RAI1: variants seen among roughly 807,000 people sequenced by gnomAD.
RAI1 encodes retinoic acid-induced protein 1.
RAI1 carries 9 observed loss-of-function variants against 123.8 expected under a neutral mutation model. That is an observed-to-expected ratio of 0.07 (90% CI 0.04 to 0.13). RAI1 has a LOEUF of 0.13. Among genes scored for constraint, RAI1 ranks in the 10% least tolerant of loss-of-function variants. The pLI, the probability that RAI1 is intolerant of heterozygous loss-of-function variation, is 1.00. For missense variants in RAI1, 2,256 were observed against 2,545.8 expected (o/e 0.89, Z 2.45); for synonymous variants, 1,231 against 1,127.3 (o/e 1.09, Z -1.84).
In RAI1 at chr17:17,809,941, G is replaced by T. The variant is rs1364126032; in HGVS notation, c.5710-29G>T. The T allele has an allele frequency of 1.9e-6, 3 of 1,560,184 alleles. No homozygotes were observed. Among genetic ancestry groups the T allele is most frequent in the South Asian group, 1.2e-5 (1 of 84,852 alleles). On this transcript the variant is annotated intron_variant, in intron 5 of 5. Transcript: ENST00000353383. The surrounding 1 kb of genome is among the most constrained non-coding windows in gnomAD (Gnocchi z 4.9). The stretch of plus-strand genomic sequence containing the variant: ...ATGGACTGTGAAGTCCGAGGTCGTC[G>T]GTAACTGGCGGGCGGGCGTCTTTTG...
chr17:17,786,604 G>T (rs2031836142), intron 2 of RAI1, among the ~76,000 whole-genome samples: 1 of 152,234 alleles, frequency 6.6e-6, no homozygotes. Context: ...TTATCTGGGA[G>T]TGGTATTTCC....
intron 1 of RAI1, among the ~76,000 whole-genome samples, chr17:17,697,541 G>C (rs991279565): frequency 6.6e-6 from 1 of 152,238 alleles, no homozygotes; most frequent in Non-Finnish European, 1.5e-5. Flanking sequence ...AGCCAGGCTG[G>C]GGCCGAGATT....
Position 17,795,040 on chromosome 17 carries a change from G to T in RAI1, c.2092G>T (p.Asp698Tyr). 1.2e-6 allele frequency: 2 copies of T among 1,614,140 alleles called. No homozygotes were observed. Among genetic ancestry groups the T allele is most frequent in the Non-Finnish European group, 1.7e-6 (2 of 1,180,036 alleles). ...CCCTTCCGTGGCCTTCGCTACGCCT[G>T]ACCCCAAAAAGACAACTGGTCCTCT... ...EDPSVAFATP[D>Y]PKKTTGPLSF... The change falls in exon 3 of 6, where the codon GAC becomes TAC. Residue 698 changes from aspartate to tyrosine, a missense_variant. Around this residue, in one of 7 missense-constraint regions of RAI1, gnomAD observed 566 missense variants for 616.0 expected, o/e 0.92. Coordinates refer to ENST00000353383, the MANE Select transcript of RAI1 (RefSeq NM_030665.4). This position sits in a 1 kb window ranked among gnomAD's most constrained non-coding sequence, Gnocchi z 5.9.
chr17:17,758,558 T>A (rs1243276041), intron 2 of RAI1, among the ~76,000 whole-genome samples: 1 of 152,218 alleles, frequency 6.6e-6, no homozygotes, highest in Non-Finnish European at 1.5e-5. Context: ...GTTTACCGAC[T>A]CACCCACCTG....
rs568062319 is a variant in RAI1 at position 17,743,058 on chromosome 17, A to C, written c.-17+18899A>C. Among the ~76,000 whole-genome samples the C allele has an allele frequency of 7.2e-5, 11 of 152,306 alleles. No homozygotes were observed. The East Asian group carries it at 1.5e-3, about 21-fold the overall frequency. ...GGCTGGAGTGCAGTGACATGATCAC[A>C]GCTCACCATAGCCTCAACCTCCCAG... is the stretch of plus-strand genomic sequence containing the variant. On this transcript the variant is annotated intron_variant, in intron 2 of 5. Coordinates refer to ENST00000353383, the MANE Select transcript of RAI1 (RefSeq NM_030665.4).
rs375551017 is a variant in RAI1 at position 17,722,824 on chromosome 17, C to T, written c.-148-1204C>T. Among the ~76,000 whole-genome samples, 12 of 147,168 alleles carry T rather than the reference C, an allele frequency of 8.2e-5. No individual in the cohort carries two copies. The South Asian group carries it at 1.4e-3, about 18-fold the overall frequency. On this transcript the variant is annotated intron_variant, in intron 1 of 5. Transcript: ENST00000353383. ...GGCTAGGGGAGGCGCGCGATGAAGG[C>T]CCCCCTCTTCTCCGCCTTCTCTCTA...
At chr17:17,732,940 C>T (rs1916315714) in intron 2 of RAI1, among the ~76,000 whole-genome samples, 1 of 152,200 alleles carries the variant, frequency 6.6e-6, no homozygotes, top group African/African-American at 2.4e-5. Flanking sequence ...CGCTGTTTGG[C>T]CAGCCCAGGC....
chr17:17,691,277 G>A (rs575512824), intron 1 of RAI1, among the ~76,000 whole-genome samples: 5 of 152,232 alleles, frequency 3.3e-5, no homozygotes, highest in South Asian at 2.1e-4. Context: ...ACATCCTACC[G>A]CACAAGGCAG....
rs1915987798 is a variant in RAI1, at chr17:17,724,121, G to C, written c.-55G>C. 1 of 150,592 alleles carries C rather than the reference G, an allele frequency of 6.6e-6. No homozygotes were observed. The highest frequency in any genetic ancestry group is 1.5e-5 in the Non-Finnish European group (1 of 67,580). The allele number at this position is 150,592 out of a possible 1,614,324, so 9.3% of individuals were successfully genotyped here. The stretch of plus-strand genomic sequence containing the variant: ...GGGGGAAAGGGAGACGGCGAGACGC[G>C]CAGCGCCGGCGCCCGGGAGACCCAG... On this transcript the variant is annotated 5_prime_UTR_variant, in exon 2 of 6. Coordinates refer to ENST00000353383, the MANE Select transcript of RAI1 (RefSeq NM_030665.4).
intron 1 of RAI1, among the ~76,000 whole-genome samples, chr17:17,689,782 G>T (rs908720795): frequency 1.3e-4 from 20 of 152,188 alleles, no homozygotes; most frequent in African/African-American, 4.6e-4. Flanking sequence ...TTCAAGTCCA[G>T]CATCAGGTAC....
chr17:17,693,169 G>A (rs755953648), intron 1 of RAI1, among the ~76,000 whole-genome samples: 41 of 152,316 alleles, frequency 2.7e-4, no homozygotes, highest in South Asian at 4.1e-4. Context: ...ACCATGTGAC[G>A]CCCCCGTGCA....
intron 2 of RAI1, among the ~76,000 whole-genome samples, chr17:17,736,377 G>A (rs1916434323): frequency 6.6e-6 from 1 of 152,194 alleles, no homozygotes; most frequent in African/African-American, 2.4e-5. Flanking sequence ...TGCCAGCACT[G>A]CTCTTGACTT....
At chr17:17,704,880 G>A (rs1915346021) in intron 1 of RAI1, among the ~76,000 whole-genome samples, 1 of 152,038 alleles carries the variant, frequency 6.6e-6, no homozygotes, top group African/African-American at 2.4e-5. Flanking sequence ...GGCCGGGGGA[G>A]GGTCATGTGA....
intron 1 of RAI1, among the ~76,000 whole-genome samples, chr17:17,723,455 G>A (rs546914700): frequency 5.3e-5 from 8 of 151,384 alleles, no homozygotes; most frequent in Non-Finnish European, 1.0e-4. Flanking sequence ...AGGCTCGTAA[G>A]TCACTGGAAA....
At chr17:17,725,504 G>A (rs796467307) in intron 2 of RAI1, among the ~76,000 whole-genome samples, 12 of 152,214 alleles carry the variant, frequency 7.9e-5, no homozygotes, top group African/African-American at 2.9e-4. Flanking sequence ...AAATTTCTGG[G>A]GACCGCAGTT....
intron 4 of RAI1, among the ~76,000 whole-genome samples, chr17:17,805,972 TGGACAGTCCCA>T (rs2032586714): frequency 6.6e-6 from 1 of 152,242 alleles, no homozygotes; most frequent in Admixed American, 6.5e-5. Flanking sequence ...CAGCATGGCG[TGGACAGTCCCA>T]GGACTTAATG....
At chr17:17,787,584 C>T (rs908363907) in intron 2 of RAI1, among the ~76,000 whole-genome samples, 1 of 152,342 alleles carries the variant, frequency 6.6e-6, no homozygotes, top group Admixed American at 6.5e-5. Context: ...CCATGTTGCT[C>T]CCCCACACCT....
intron 2 of RAI1, among the ~76,000 whole-genome samples, chr17:17,764,599 A>G (rs1008469246): frequency 2.0e-5 from 3 of 152,090 alleles, no homozygotes; most frequent in African/African-American, 7.2e-5. Flanking sequence ...CGGCCTCACA[A>G]GTAGCTGGGA....
intron 2 of RAI1, among the ~76,000 whole-genome samples, chr17:17,757,114 C>T (rs906713806): frequency 2.6e-5 from 4 of 152,102 alleles, no homozygotes; most frequent in African/African-American, 9.7e-5. Flanking sequence ...ATGCTTGGAG[C>T]GGGGTCCAGG....
Sources: allele counts gnomAD v4.1 joint callset (sites outside exome capture counted in the v4.1 genomes callset), GRCh38; gene constraint gnomAD v4.1.1; regional missense constraint gnomAD v4.1.1; non-coding constraint Gnocchi (gnomAD v3.1); transcripts MANE v1.5; gene names NCBI Gene and HGNC (gene_info 2026-07-23, HGNC 2026-07-21).